The following RNF217 variants were observed in gnomAD, a reference collection of about 807,000 sequenced individuals.
RNF217 encodes the protein E3 ubiquitin-protein ligase RNF217.
Under a neutral mutation model 57.8 loss-of-function variants are expected in RNF217, and 31 were observed. That is an observed-to-expected ratio of 0.54 (90% CI 0.40 to 0.72). RNF217 has a LOEUF of 0.72. Ranked by LOEUF, RNF217 falls within the 30% of genes least tolerant of loss-of-function variation. RNF217 has a pLI of 0.00. For synonymous variants in RNF217, 313 were observed against 294.0 expected (o/e 1.06, Z -0.66); for missense variants, 696 against 708.3 (o/e 0.98, Z 0.20).
intron 1 of RNF217, chr6:124,983,351 G>T (rs1474323751): frequency 1.0e-6 from 1 of 983,340 alleles, no homozygotes; most frequent in Admixed American, 6.2e-5. Context: ...ATAGAACTCC[G>T]ACTGTGTACT....
chr6:125,007,704 C>G (rs73770791), intron 1 of RNF217, among the ~76,000 whole-genome samples: 1 of 152,052 alleles, frequency 6.6e-6, no homozygotes, highest in African/African-American at 2.4e-5. Flanking sequence ...TATAGTCATC[C>G]TTACTGGGGG....
intron 2 of RNF217, among the ~76,000 whole-genome samples, chr6:125,057,429 G>T (rs774354946): frequency 2.0e-5 from 3 of 152,076 alleles, no homozygotes; most frequent in East Asian, 1.9e-4. Flanking sequence ...TGATCTAGCC[G>T]CCTCAGCCTC....
chr6:125,052,964 A>G (rs1259398918), intron 2 of RNF217, among the ~76,000 whole-genome samples: 4 of 152,110 alleles, frequency 2.6e-5, no homozygotes, highest in Non-Finnish European at 5.9e-5. Context: ...AGCAAGGATC[A>G]GGGTTGAGCT....
At chr6:125,040,662 C>T (rs1246987783) in intron 1 of RNF217, among the ~76,000 whole-genome samples, 1 of 152,140 alleles carries the variant, frequency 6.6e-6, no homozygotes, top group African/African-American at 2.4e-5. Context: ...GCCAAAATCC[C>T]TCATGAACAT....
rs1452404643 is a variant in RNF217 at position 125,084,052 on chromosome 6, A to C, written c.*1115A>C. The stretch of plus-strand genomic sequence containing the variant: ...TTATAGATAATTCTGCTTTAGGTCA[A>C]GGTCTTACATCATTTAATATCCTAA... On this transcript the variant is annotated 3_prime_UTR_variant, in exon 6 of 6. Coordinates refer to ENST00000521654, the MANE Select transcript of RNF217 (RefSeq NM_001286398.3). 6.6e-6 allele frequency: 1 copy of C among 152,056 alleles called. No individual in the cohort carries two copies. The highest frequency in any genetic ancestry group is 1.5e-5 in the Non-Finnish European group (1 of 67,978). The allele number at this position is 152,056 out of a possible 1,614,324, so 9.4% of individuals were successfully genotyped here.
intron 2 of RNF217, among the ~76,000 whole-genome samples, chr6:125,057,245 G>A (rs1344004536): frequency 3.9e-5 from 6 of 152,026 alleles, no homozygotes; most frequent in Non-Finnish European, 7.4e-5. Flanking sequence ...GCACAATCTC[G>A]GCTCGACTGC....
intron 1 of RNF217, among the ~76,000 whole-genome samples, chr6:124,979,245 C>T: frequency 6.6e-6 from 1 of 152,066 alleles, no homozygotes; most frequent in Non-Finnish European, 1.5e-5. Context: ...TTAAGGTGTT[C>T]TAGGAAGAGA....
chr6:124,967,340 C>T (rs1562444045), intron 1 of RNF217, among the ~76,000 whole-genome samples: 2 of 152,200 alleles, frequency 1.3e-5, no homozygotes, highest in Non-Finnish European at 2.9e-5. Flanking sequence ...CTTTGTTTCA[C>T]AGAATGGTAC....
chr6:125,013,801 T>TCCAAATCC (rs1785508490), intron 1 of RNF217, among the ~76,000 whole-genome samples: 1 of 152,184 alleles, frequency 6.6e-6, no homozygotes, highest in African/African-American at 2.4e-5. Flanking sequence ...CAGATCTATT[T>TCCAAATCC]CCAAATCCCC....
chr6:125,005,097 A>C (rs1785128132), intron 1 of RNF217, among the ~76,000 whole-genome samples: 2 of 152,180 alleles, frequency 1.3e-5, no homozygotes, highest in Non-Finnish European at 2.9e-5. Flanking sequence ...TCTGTTCATG[A>C]GGGCATAACC....
chr6:125,046,196 T>A (rs990152439), intron 2 of RNF217, among the ~76,000 whole-genome samples: 1 of 152,096 alleles, frequency 6.6e-6, no homozygotes, highest in Admixed American at 6.6e-5. Context: ...TGTAATCAAG[T>A]GCTTCTAGAG....
At chr6:125,056,892 A>G (rs537594039) in intron 2 of RNF217, among the ~76,000 whole-genome samples, 1 of 152,296 alleles carries the variant, frequency 6.6e-6, no homozygotes, top group African/African-American at 2.4e-5. Flanking sequence ...AGGAAGTCAG[A>G]TAAAATATCC....
intron 1 of RNF217, among the ~76,000 whole-genome samples, chr6:125,037,316 A>G (rs1416303210): frequency 6.6e-6 from 1 of 152,202 alleles, no homozygotes; most frequent in African/African-American, 2.4e-5. Flanking sequence ...GAAACGGAGT[A>G]GCTTTTAAAC....
At position 125,090,423 on chromosome 6, in the gene RNF217, AAT is replaced by A. The variant is rs1398301049; in HGVS notation, c.*7487_*7488del. On this transcript the variant is annotated 3_prime_UTR_variant, in exon 6 of 6. Transcript: ENST00000521654. ...ATTTTATGAAACAAACATTTATATC[AAT>A]GTATATCTATTTCAAAACTGTGGGA... is the stretch of plus-strand genomic sequence containing the variant. 1 of 151,956 alleles carries A rather than the reference AAT, an allele frequency of 6.6e-6. No individual in the cohort carries two copies. Among genetic ancestry groups the A allele is most frequent in the Non-Finnish European group, 1.5e-5 (1 of 67,868 alleles). The allele number at this position is 151,956 out of a possible 1,614,324, so 9.4% of individuals were successfully genotyped here.
At chr6:125,050,716 TC>T (rs34789030) in intron 2 of RNF217, among the ~76,000 whole-genome samples, 5 of 151,778 alleles carry the variant, frequency 3.3e-5, no homozygotes, top group African/African-American at 9.7e-5. Context: ...GTTCTGGTTT[TC>T]CCTGACACCA....
intron 4 of RNF217, 61 bp from the exon 5 acceptor site, chr6:125,081,375 T>A: frequency 8.1e-7 from 1 of 1,237,394 alleles, no homozygotes; most frequent in East Asian, 2.4e-5. Flanking sequence ...AAAGCATCAC[T>A]GTAATTATTT....
At chr6:125,069,317 C>A (rs1788053795) in intron 3 of RNF217, among the ~76,000 whole-genome samples, 1 of 152,110 alleles carries the variant, frequency 6.6e-6, no homozygotes, top group Non-Finnish European at 1.5e-5. Context: ...GTGATAGAAG[C>A]AGCTGTTTCT....
chr6:125,009,173 G>C, intron 1 of RNF217: 1 of 1,534,628 alleles, frequency 6.5e-7, no homozygotes, highest in Non-Finnish European at 8.8e-7. Flanking sequence ...CATATTCATA[G>C]GTCCATTGCC....
chr6:124,994,244 C>T (rs1784666250), intron 1 of RNF217, among the ~76,000 whole-genome samples: 1 of 152,122 alleles, frequency 6.6e-6, no homozygotes, highest in Non-Finnish European at 1.5e-5. Context: ...CACACAACCA[C>T]AACAATTAGT....
Sources: gnomAD v4.1 joint callset for allele counts (sites outside exome capture counted in the v4.1 genomes callset) on GRCh38, gnomAD v4.1.1 for gene constraint, MANE v1.5 for transcripts, NCBI Gene and HGNC (gene_info 2026-07-23, HGNC 2026-07-21) for gene names.